MDGA2: variants seen among roughly 807,000 people sequenced by gnomAD.
MDGA2 encodes the protein MAM domain-containing glycosylphosphatidylinositol anchor protein 2.
A neutral mutation model predicts 117.8 loss-of-function variants in MDGA2; 40 were observed. The observed-to-expected ratio is 0.34, with a 90% confidence interval of 0.26 to 0.44. MDGA2 has a LOEUF of 0.44. Ranked by LOEUF, MDGA2 falls within the 20% of genes least tolerant of loss-of-function variation. The pLI is 1.00. For missense variants in MDGA2, 1,123 were observed against 1,250.6 expected (o/e 0.90, Z 1.54); for synonymous variants, 452 against 439.0 (o/e 1.03, Z -0.37).
At chr14:47,553,319 A>T (rs1895621564) in intron 1 of MDGA2, among the ~76,000 whole-genome samples, 1 of 152,262 alleles carries the variant, frequency 6.6e-6, no homozygotes, top group South Asian at 2.1e-4. Flanking sequence ...TCTAAAAAAC[A>T]TTATAACTAT....
intron 8 of MDGA2, among the ~76,000 whole-genome samples, chr14:47,014,117 G>C (rs916493681): frequency 6.6e-6 from 1 of 151,860 alleles, no homozygotes; most frequent in Admixed American, 6.6e-5. Flanking sequence ...CTTTATCAGA[G>C]TTATTGAGTG....
At chr14:47,379,803 G>A (rs1026696657) in intron 1 of MDGA2, among the ~76,000 whole-genome samples, 1 of 152,104 alleles carries the variant, frequency 6.6e-6, no homozygotes, top group Non-Finnish European at 1.5e-5. Context: ...GTCAACATTA[G>A]ACAGATCAAC....
At chr14:47,577,946 T>C (rs563421043) in intron 1 of MDGA2, among the ~76,000 whole-genome samples, 1 of 152,232 alleles carries the variant, frequency 6.6e-6, no homozygotes, top group African/African-American at 2.4e-5. Flanking sequence ...ATATAAACCA[T>C]CCTACGGCAA....
At chr14:47,416,726 G>A (rs1217732127) in intron 1 of MDGA2, among the ~76,000 whole-genome samples, 2 of 152,140 alleles carry the variant, frequency 1.3e-5, no homozygotes, top group East Asian at 3.9e-4. Flanking sequence ...ATGGCACTAT[G>A]CAAGGTTCAC....
At position 47,058,838 on chromosome 14, in the gene MDGA2, A is replaced by G. The variant is rs1002222666; in HGVS notation, c.1525+2411T>C. The G allele has an allele frequency of 5.1e-5, 50 of 985,820 alleles. No homozygotes were observed. In the African/African-American group the frequency reaches 6.6e-4, roughly 13 times the overall value. The allele number at this position is 985,820 out of a possible 1,614,324, so 61.1% of individuals were successfully genotyped here. ...CTATCACAATAAAATCTCCTAGGCC[A>G]TCTAGCCTCAAGAGCCTGCCATCCG... On this transcript the variant is annotated intron_variant, in intron 7 of 16. Coordinates refer to ENST00000399232, the MANE Select transcript of MDGA2 (RefSeq NM_001113498.3).
At chr14:47,013,363 C>T (rs554001417) in intron 8 of MDGA2, among the ~76,000 whole-genome samples, 1 of 152,250 alleles carries the variant, frequency 6.6e-6, no homozygotes, top group South Asian at 2.1e-4. Flanking sequence ...TCTTCATCCA[C>T]TGAAGTTCTT....
chr14:47,042,320 T>TG (rs1889102310), intron 7 of MDGA2, among the ~76,000 whole-genome samples: 52 of 102,678 alleles, frequency 5.1e-4, no homozygotes, highest in Admixed American at 1.1e-3. Flanking sequence ...ATGTTTTTTT[T>TG]TTTTTTTTGT....
chr14:47,535,846 G>T (rs1462814740), intron 1 of MDGA2, among the ~76,000 whole-genome samples: 1 of 152,180 alleles, frequency 6.6e-6, no homozygotes, highest in Non-Finnish European at 1.5e-5. Flanking sequence ...CACAAACTCA[G>T]TGGTTTAAAA....
At chr14:47,201,656 A>G (rs533060321) in intron 3 of MDGA2, among the ~76,000 whole-genome samples, 2 of 152,238 alleles carry the variant, frequency 1.3e-5, no homozygotes, top group Non-Finnish European at 1.5e-5. Context: ...CTCAAAATGG[A>G]CAACACATAC....
intron 1 of MDGA2, among the ~76,000 whole-genome samples, chr14:47,432,329 C>G (rs1041567426): frequency 2.0e-4 from 31 of 152,112 alleles, no homozygotes; most frequent in African/African-American, 7.0e-4. Context: ...TGTGGGGCCA[C>G]AGCTCTTGTC....
chr14:47,210,002 AC>A (rs2139476470), intron 3 of MDGA2, among the ~76,000 whole-genome samples: 1 of 152,246 alleles, frequency 6.6e-6, no homozygotes, highest in Non-Finnish European at 1.5e-5. Flanking sequence ...CTTTTCCTAA[AC>A]TTTTCTGTCT....
In MDGA2 at chr14:47,370,237, T is replaced by C. The variant is rs559553930; in HGVS notation, c.281-68687A>G. Reference sequence around the variant, plus strand: ...AACAAAGACTTTACTCTTAGAAAATTTGCATTCCAGGGGAAGAGAAAATAA... The same window carrying C: ...AACAAAGACTTTACTCTTAGAAAATCTGCATTCCAGGGGAAGAGAAAATAA... On this transcript the variant is annotated intron_variant, in intron 1 of 16. Transcript: ENST00000399232. Among the ~76,000 whole-genome samples, 14 of 151,690 alleles carry C rather than the reference T, an allele frequency of 9.2e-5. 1 individual carries two copies. In the South Asian group the frequency reaches 2.3e-3, roughly 25 times the overall value.
intron 1 of MDGA2, among the ~76,000 whole-genome samples, chr14:47,496,070 A>AT (rs1471352356): frequency 1.3e-5 from 2 of 151,958 alleles, no homozygotes; most frequent in Non-Finnish European, 2.9e-5. Flanking sequence ...ATTAAAATAT[A>AT]TTTTTTCATT....
intron 1 of MDGA2, among the ~76,000 whole-genome samples, chr14:47,412,285 TTTA>T (rs1434475787): frequency 2.0e-5 from 3 of 152,228 alleles, no homozygotes; most frequent in Non-Finnish European, 2.9e-5. Context: ...ATTATTTCCT[TTTA>T]TTTTTTTCAA....
chr14:47,081,575 T>C (rs566706212), intron 6 of MDGA2, among the ~76,000 whole-genome samples: 60 of 152,130 alleles, frequency 3.9e-4, no homozygotes, highest in Non-Finnish European at 6.0e-4. Context: ...AGTTTATTCA[T>C]CTAGAAAATA....
chr14:47,452,083 T>C (rs960097679), intron 1 of MDGA2, among the ~76,000 whole-genome samples: 1 of 152,074 alleles, frequency 6.6e-6, no homozygotes, highest in African/African-American at 2.4e-5. Context: ...AAAGAAATAT[T>C]TTGAACAGGA....
intron 1 of MDGA2, among the ~76,000 whole-genome samples, chr14:47,639,609 T>A (rs1171899524): frequency 6.6e-6 from 1 of 152,176 alleles, no homozygotes; most frequent in Non-Finnish European, 1.5e-5. Context: ...CTCTTAGATT[T>A]CAAATAAAAA....
chr14:47,013,684 T>C (rs1887974010), intron 8 of MDGA2, among the ~76,000 whole-genome samples: 1 of 149,802 alleles, frequency 6.7e-6, no homozygotes, highest in African/African-American at 2.4e-5. Context: ...ATTACTTAAA[T>C]AATAAGACTT....
chr14:47,269,243 T>C (rs1888065650), intron 2 of MDGA2, among the ~76,000 whole-genome samples: 1 of 152,184 alleles, frequency 6.6e-6, no homozygotes, highest in African/African-American at 2.4e-5. Context: ...TATGTATTCT[T>C]ATAAAAGGGA....
Sources: gnomAD v4.1 joint callset for allele counts (sites outside exome capture counted in the v4.1 genomes callset) on GRCh38, gnomAD v4.1.1 for gene constraint, MANE v1.5 for transcripts, NCBI Gene and HGNC (gene_info 2026-07-23, HGNC 2026-07-21) for gene names.